ITPKB: variants seen among roughly 807,000 people sequenced by gnomAD.
ITPKB encodes the protein IP3 3-kinase B.
ITPKB carries 13 observed loss-of-function variants against 69.4 expected under a neutral mutation model. The ratio of observed to expected loss-of-function variants is 0.19; its 90% confidence interval spans 0.12 to 0.30. ITPKB has a LOEUF of 0.30. ITPKB is among the 10% of genes least tolerant of loss of function. The pLI, the probability that ITPKB is intolerant of heterozygous loss-of-function variation, is 1.00. For missense variants in ITPKB, 1,240 were observed against 1,250.5 expected, an observed-to-expected ratio of 0.99 and a Z score of 0.13; for synonymous variants, 584 against 513.7, an observed-to-expected ratio of 1.14 and a Z score of -1.85.
At chr1:226,649,865 A>G (rs1669152831) in intron 2 of ITPKB, among the ~76,000 whole-genome samples, 1 of 151,736 alleles carries the variant, frequency 6.6e-6, no homozygotes, top group African/African-American at 2.4e-5. Context: ...AAAAAAAAAC[A>G]TATTTTTAGA....
intron 2 of ITPKB, among the ~76,000 whole-genome samples, chr1:226,729,809 G>C (rs1352634319): frequency 6.6e-6 from 1 of 151,980 alleles, no homozygotes; most frequent in African/African-American, 2.4e-5. Flanking sequence ...TGACTAGGCT[G>C]GTTTCGAACT....
intron 2 of ITPKB, among the ~76,000 whole-genome samples, chr1:226,703,212 C>T (rs2102631930): frequency 6.6e-6 from 1 of 152,342 alleles, no homozygotes; most frequent in East Asian, 1.9e-4. Context: ...ACTGCACACA[C>T]AATCCTATCC....
In ITPKB at chr1:226,641,033, A is replaced by G. The variant is rs1165806271; in HGVS notation, c.2451+888T>C. Among the ~76,000 whole-genome samples, 1 of 152,204 alleles carries G rather than the reference A, an allele frequency of 6.6e-6. No individual in the cohort carries two copies. The highest frequency in any genetic ancestry group is 1.9e-4 in the East Asian group (1 of 5,194). On this transcript the variant is annotated intron_variant, in intron 5 of 7. Transcript: ENST00000429204. The surrounding 1 kb of genome is among the most constrained non-coding windows in gnomAD (Gnocchi z 4.6). ...AGAGAATGGGAGACCCGACAACCCC[A>G]CAGGGACTGCCATCTGCTCAAGAGG...
At chr1:226,636,752 C>CTG (rs3831353) in intron 7 of ITPKB, among the ~76,000 whole-genome samples, 32,522 of 139,768 alleles carry the variant, frequency 0.23, 4,017 homozygotes, top group Non-Finnish European at 0.29. Flanking sequence ...GACTGCAGCT[C>CTG]TGTGTGTGTG....
At position 226,641,177 on chromosome 1, in the gene ITPKB, G is replaced by A. The variant is rs1285493745; in HGVS notation, c.2451+744C>T. On this transcript the variant is annotated intron_variant, in intron 5 of 7. Transcript: ENST00000429204. The surrounding 1 kb of genome is among the most constrained non-coding windows in gnomAD (Gnocchi z 4.6). ...GATCATCCAGACAGTCACCAATCCA[G>A]ACAGTGCCAGTTCCCCAATTTATTC... Among the ~76,000 whole-genome samples the A allele has an allele frequency of 6.6e-6, 1 of 152,220 alleles. No homozygotes were observed. The highest frequency in any genetic ancestry group is 1.5e-5 in the Non-Finnish European group (1 of 68,040).
At chr1:226,731,771 G>C (rs1657594452) in intron 2 of ITPKB, among the ~76,000 whole-genome samples, 1 of 152,076 alleles carries the variant, frequency 6.6e-6, no homozygotes, top group African/African-American at 2.4e-5. Flanking sequence ...CTGAGCCCTT[G>C]CCAGAAAGAT....
intron 2 of ITPKB, among the ~76,000 whole-genome samples, chr1:226,727,564 T>C (rs1297405345): frequency 6.6e-6 from 1 of 152,220 alleles, no homozygotes; most frequent in African/African-American, 2.4e-5. Flanking sequence ...AAATGTGTTA[T>C]GCCTTCTTCT....
At chr1:226,648,081 G>A (rs772273031) in intron 3 of ITPKB, among the ~76,000 whole-genome samples, 8 of 152,134 alleles carry the variant, frequency 5.3e-5, no homozygotes, top group African/African-American at 7.2e-5. Context: ...CTGGGGCCTC[G>A]GCTCCAGATG....
chr1:226,681,079 A>G (rs1656082484), intron 2 of ITPKB, among the ~76,000 whole-genome samples: 1 of 152,186 alleles, frequency 6.6e-6, no homozygotes, highest in South Asian at 2.1e-4. Flanking sequence ...CATCCTTGAT[A>G]GCCTTTCAGC....
intron 2 of ITPKB, among the ~76,000 whole-genome samples, chr1:226,665,356 G>A (rs758024283): frequency 3.9e-5 from 6 of 152,224 alleles, no homozygotes; most frequent in African/African-American, 4.8e-5. Flanking sequence ...CCATGTCAAC[G>A]CGGGCAAGTC....
chr1:226,675,341 C>G (rs1669711890), intron 2 of ITPKB, among the ~76,000 whole-genome samples: 1 of 152,212 alleles, frequency 6.6e-6, no homozygotes, highest in African/African-American at 2.4e-5. Context: ...GAAACACTTG[C>G]ACAAGCACTC....
chr1:226,690,415 GA>G (rs1656320833), intron 2 of ITPKB, among the ~76,000 whole-genome samples: 1 of 152,164 alleles, frequency 6.6e-6, no homozygotes. Context: ...AAGAAATTCT[GA>G]GACTGGTCCT....
At position 226,737,571 on chromosome 1, in the gene ITPKB, C is replaced by T. The variant is rs528803451; in HGVS notation, c.-113G>A. The T allele has an allele frequency of 1.3e-3, 1,561 of 1,211,334 alleles. 17 individuals are homozygous for T. In the African/African-American group the frequency reaches 0.023, roughly 18 times the overall value. The allele number at this position is 1,211,334 out of a possible 1,614,324, so 75.0% of individuals were successfully genotyped here. Reference sequence around the variant, plus strand: ...CCCGGAGGCCCGGCAGCCGCGGCTCCGCGCGCAGATGGGGCGGCATGGCCT... The same window carrying T: ...CCCGGAGGCCCGGCAGCCGCGGCTCTGCGCGCAGATGGGGCGGCATGGCCT... On this transcript the variant is annotated 5_prime_UTR_variant, in exon 2 of 8. Transcript: ENST00000429204.
intron 2 of ITPKB, among the ~76,000 whole-genome samples, chr1:226,712,334 G>A (rs150434547): frequency 9.7e-4 from 148 of 152,268 alleles, no homozygotes; most frequent in Middle Eastern, 3.4e-3. Flanking sequence ...CCCAGCCTTC[G>A]TGGTCACTGC....
At chr1:226,730,428 A>G (rs997385143) in intron 2 of ITPKB, among the ~76,000 whole-genome samples, 1 of 152,218 alleles carries the variant, frequency 6.6e-6, no homozygotes, top group Non-Finnish European at 1.5e-5. Context: ...CTGATGGCTG[A>G]AAAATACATC....
Position 226,735,563 on chromosome 1 carries a change from G to A in ITPKB, c.1896C>T (p.Ala632=), listed in dbSNP as rs708775. 433,568 of 1,547,646 alleles carry A rather than the reference G, an allele frequency of 0.28. 61,603 individuals carry two copies. The highest frequency in any genetic ancestry group is 0.31 in the Middle Eastern group (1,795 of 5,724). The change falls in exon 2 of 8, where the codon GCC becomes GCT. Residue 632 remains alanine (A), a synonymous_variant. Coordinates refer to ENST00000429204, the MANE Select transcript of ITPKB (RefSeq NM_002221.4). The stretch of plus-strand genomic sequence containing the variant: ...TCTGCTGGTCCAGGGTATGCAGGAA[G>A]GCTGAGTTGGGGTCCAGGGTGCGCT... ...DPERTLDPNS[A]FLHTLDQQKP...
At chr1:226,711,836 G>A (rs1184455884) in intron 2 of ITPKB, among the ~76,000 whole-genome samples, 1 of 152,132 alleles carries the variant, frequency 6.6e-6, no homozygotes, top group African/African-American at 2.4e-5. Context: ...AAGGCAAAAG[G>A]GGGAAGATGA....
intron 2 of ITPKB, among the ~76,000 whole-genome samples, chr1:226,687,774 C>T (rs181771285): frequency 7.9e-5 from 12 of 152,324 alleles, no homozygotes; most frequent in East Asian, 7.7e-4. Flanking sequence ...TGGGCAGCAT[C>T]GCCATTGCTC....
intron 5 of ITPKB, among the ~76,000 whole-genome samples, chr1:226,640,805 C>T (rs1481425740): frequency 6.6e-6 from 1 of 152,192 alleles, no homozygotes. Flanking sequence ...CCTTTCTCAG[C>T]CCAGAGCTCG....
Sources: gnomAD v4.1 joint callset for allele counts (sites outside exome capture counted in the v4.1 genomes callset) on GRCh38, gnomAD v4.1.1 for gene constraint, Gnocchi (gnomAD v3.1) non-coding constraint, MANE v1.5 for transcripts, NCBI Gene and HGNC (gene_info 2026-07-23, HGNC 2026-07-21) for gene names.